The following ZBTB20 variants were observed in gnomAD, a reference collection of about 807,000 sequenced individuals.
ZBTB20 encodes zinc finger and BTB domain containing 20.
ZBTB20 carries 9 observed loss-of-function variants against 56.9 expected under a neutral mutation model. That is an observed-to-expected ratio of 0.16 (90% CI 0.10 to 0.28). ZBTB20 has a LOEUF of 0.28. Among genes scored for constraint, ZBTB20 ranks in the 10% least tolerant of loss-of-function variants. The pLI is 1.00. For synonymous variants in ZBTB20, 417 were observed against 420.7 expected (o/e 0.99, Z 0.11); for missense variants, 655 against 1,003.0 (o/e 0.65, Z 4.69).
chr3:114,968,202 ATACTT>A (rs796721721), intron 3 of ZBTB20, among the ~76,000 whole-genome samples: 17 of 152,300 alleles, frequency 1.1e-4, no homozygotes, highest in African/African-American at 4.1e-4. Context: ...TAGAGAGAAA[ATACTT>A]AAACTGTTTT....
rs368894289 is a variant in ZBTB20, at chr3:115,143,915, G to A, written c.-703+3304C>T. Among the ~76,000 whole-genome samples the A allele has an allele frequency of 4.6e-5, 7 of 152,110 alleles. No homozygotes were observed. In the East Asian group the frequency reaches 7.7e-4, roughly 17 times the overall value. On this transcript the variant is annotated intron_variant, in intron 1 of 11. Coordinates refer to ENST00000675478, the MANE Select transcript of ZBTB20 (RefSeq NM_001348800.3). ...TTTCAAACTGTAGTTCCTAAGACAA[G>A]AAAGCAGCTAGGTTTTAAAGTTTCA...
chr3:114,876,826 C>T (rs1433864930), intron 4 of ZBTB20, among the ~76,000 whole-genome samples: 1 of 152,178 alleles, frequency 6.6e-6, no homozygotes, highest in Non-Finnish European at 1.5e-5. Context: ...AAGAAACCAC[C>T]TATGATACCC....
chr3:114,992,988 G>C (rs1289736325), intron 2 of ZBTB20, among the ~76,000 whole-genome samples: 2 of 151,846 alleles, frequency 1.3e-5, no homozygotes, highest in African/African-American at 4.8e-5. Context: ...AGGACCCAAG[G>C]CACTCACAGA....
chr3:115,093,082 A>C (rs903613862), intron 1 of ZBTB20, among the ~76,000 whole-genome samples: 5 of 152,146 alleles, frequency 3.3e-5, no homozygotes, highest in African/African-American at 1.2e-4. Context: ...GGACAGAGAG[A>C]TCATGATGTA....
At chr3:115,079,234 G>T (rs1404715210) in intron 1 of ZBTB20, among the ~76,000 whole-genome samples, 2 of 152,102 alleles carry the variant, frequency 1.3e-5, no homozygotes, top group Admixed American at 1.3e-4. Flanking sequence ...AATCACTCTA[G>T]ATGTTCAAGA....
intron 4 of ZBTB20, among the ~76,000 whole-genome samples, chr3:114,812,954 G>T (rs2072658725): frequency 6.7e-6 from 1 of 149,028 alleles, no homozygotes; most frequent in Non-Finnish European, 1.5e-5. Flanking sequence ...CCGAGTGCGG[G>T]GTCCGTCTAG....
At chr3:114,903,197 CCCA>C (rs2075191698) in intron 3 of ZBTB20, among the ~76,000 whole-genome samples, 2 of 152,076 alleles carry the variant, frequency 1.3e-5, no homozygotes, top group African/African-American at 4.8e-5. Flanking sequence ...ATTCCAGCTC[CCCA>C]TCTTTAGTTC....
chr3:114,752,835 T>G (rs1326353872), intron 5 of ZBTB20, among the ~76,000 whole-genome samples: 1 of 152,150 alleles, frequency 6.6e-6, no homozygotes, highest in African/African-American at 2.4e-5. Context: ...GTGAAGTCCC[T>G]TGAAGATTGA....
chr3:114,375,314 A>ACC (rs887592306), intron 10 of ZBTB20, among the ~76,000 whole-genome samples: 100 of 152,242 alleles, frequency 6.6e-4, no homozygotes, highest in African/African-American at 2.4e-3. Flanking sequence ...TCAATCACAA[A>ACC]CCCGTTCAAA....
chr3:115,085,062 A>G (rs1260177369), intron 1 of ZBTB20, among the ~76,000 whole-genome samples: 1 of 152,018 alleles, frequency 6.6e-6, no homozygotes, highest in Non-Finnish European at 1.5e-5. Flanking sequence ...TTTTCCAAAA[A>G]AAGATATTCA....
At chr3:114,628,062 A>G (rs1283122356) in intron 6 of ZBTB20, among the ~76,000 whole-genome samples, 4 of 152,178 alleles carry the variant, frequency 2.6e-5, no homozygotes, top group Non-Finnish European at 5.9e-5. Flanking sequence ...AGGACTGCAT[A>G]AACTCCATAG....
rs1216770006 is a variant in ZBTB20, at chr3:114,719,687, G to A, written c.-342-26112C>T. 5.9e-5 allele frequency among the ~76,000 whole-genome samples: 9 copies of A among 152,054 alleles called. 1 individual carries two copies. Among genetic ancestry groups the A allele is most frequent in the South Asian group, 2.1e-4 (1 of 4,820 alleles). On this transcript the variant is annotated intron_variant, in intron 5 of 11. Coordinates refer to ENST00000675478, the MANE Select transcript of ZBTB20 (RefSeq NM_001348800.3). The stretch of plus-strand genomic sequence containing the variant: ...CTAAGTCAGAAGGCTTTTCTGTACC[G>A]GAATTGCTGAACTACAAATATTGTT...
chr3:114,689,376 G>A (rs955747320), intron 6 of ZBTB20, among the ~76,000 whole-genome samples: 9 of 152,034 alleles, frequency 5.9e-5, no homozygotes, highest in Non-Finnish European at 1.2e-4. Flanking sequence ...GGTTGGTGGG[G>A]GTATCTGCCA....
chr3:115,087,298 C>T (rs2083022627), intron 1 of ZBTB20, among the ~76,000 whole-genome samples: 1 of 151,788 alleles, frequency 6.6e-6, no homozygotes, highest in South Asian at 2.1e-4. Flanking sequence ...AGAACTCTGC[C>T]ATGAGCTCAG....
At chr3:114,595,706 T>G (rs1285440827) in intron 6 of ZBTB20, among the ~76,000 whole-genome samples, 1 of 152,222 alleles carries the variant, frequency 6.6e-6, no homozygotes, top group Non-Finnish European at 1.5e-5. Flanking sequence ...TATCCTAGGT[T>G]GGACACAGAT....
At chr3:114,780,292 T>C (rs2069982239) in intron 5 of ZBTB20, among the ~76,000 whole-genome samples, 1 of 152,166 alleles carries the variant, frequency 6.6e-6, no homozygotes, top group Admixed American at 6.5e-5. Context: ...CTTTAAGTTT[T>C]TCATTAAGAC....
At chr3:114,705,236 G>C (rs1041317989) in intron 5 of ZBTB20, among the ~76,000 whole-genome samples, 2 of 151,934 alleles carry the variant, frequency 1.3e-5, no homozygotes, top group Non-Finnish European at 2.9e-5. Flanking sequence ...TCTAATATTT[G>C]ATCTGTTTCA....
At chr3:114,694,145 T>C (rs1041733213) in intron 5 of ZBTB20, among the ~76,000 whole-genome samples, 1 of 152,052 alleles carries the variant, frequency 6.6e-6, no homozygotes, top group Non-Finnish European at 1.5e-5. Flanking sequence ...AATAAATGTA[T>C]AATATTATAT....
chr3:115,066,962 A>G (rs2082229137), intron 2 of ZBTB20, among the ~76,000 whole-genome samples: 1 of 152,050 alleles, frequency 6.6e-6, no homozygotes, highest in African/African-American at 2.4e-5. Context: ...TTTTATCTTT[A>G]TCTTTTAGGG....
Sources: gnomAD v4.1 joint callset for allele counts (sites outside exome capture counted in the v4.1 genomes callset) on GRCh38, gnomAD v4.1.1 for gene constraint, MANE v1.5 for transcripts, NCBI Gene and HGNC (gene_info 2026-07-23, HGNC 2026-07-21) for gene names.